Variants in SLC30A8 observed in about 807,000 individuals in gnomAD.
SLC30A8 encodes proton-coupled zinc antiporter SLC30A8.
A neutral mutation model predicts 36.9 loss-of-function variants in SLC30A8; 27 were observed. The observed-to-expected ratio is 0.73, with a 90% CI of 0.54 to 1.01. The LOEUF (loss-of-function observed/expected upper bound fraction) is 1.01, where lower values mean the gene tolerates loss of function less well. SLC30A8 is among the 50% of genes least tolerant of loss of function. The pLI is 0.00. For missense variants in SLC30A8, 439 were observed against 452.0 expected (o/e 0.97, Z 0.26); for synonymous variants, 164 against 172.4 (o/e 0.95, Z 0.38).
At chr8:116,986,467 A>G (rs1252180748) in intron 1 of SLC30A8, among the ~76,000 whole-genome samples, 2 of 152,184 alleles carry the variant, frequency 1.3e-5, no homozygotes, top group Non-Finnish European at 2.9e-5. Context: ...AGTTCTACCT[A>G]TTGGACATTT....
intron 2 of SLC30A8, among the ~76,000 whole-genome samples, chr8:117,113,547 C>T (rs186192528): frequency 2.0e-5 from 3 of 152,016 alleles, no homozygotes; most frequent in African/African-American, 7.2e-5. Context: ...GCTGCATTGC[C>T]CAGGAACTGG....
At chr8:117,036,549 A>C (rs1401837507) in intron 1 of SLC30A8, among the ~76,000 whole-genome samples, 2 of 152,146 alleles carry the variant, frequency 1.3e-5, no homozygotes, top group African/African-American at 4.8e-5. Context: ...GAGGTCTTAC[A>C]TGGCTGGGAA....
chr8:117,097,396 CAAAAAAAAA>C (rs1157294543), intron 2 of SLC30A8, among the ~76,000 whole-genome samples: 3 of 25,048 alleles, frequency 1.2e-4, no homozygotes, highest in African/African-American at 3.3e-4. Context: ...GACTCCATCT[CAAAAAAAAA>C]AAAAAAAAAA....
chr8:117,076,543 G>C (rs1464594983), intron 2 of SLC30A8, among the ~76,000 whole-genome samples: 6 of 151,580 alleles, frequency 4.0e-5, no homozygotes, highest in Non-Finnish European at 1.5e-5. Context: ...AAGAAAGAGG[G>C]AGAAAAAAAA....
intron 2 of SLC30A8, among the ~76,000 whole-genome samples, chr8:117,129,231 A>G (rs1821035334): frequency 6.6e-6 from 1 of 152,084 alleles, no homozygotes; most frequent in Non-Finnish European, 1.5e-5. Context: ...GCAGACAATG[A>G]ATCCGTTGTG....
intron 1 of SLC30A8, among the ~76,000 whole-genome samples, chr8:116,962,866 A>G (rs1814473103): frequency 6.6e-6 from 1 of 151,972 alleles, no homozygotes; most frequent in South Asian, 2.1e-4. Flanking sequence ...TCATTTTAAC[A>G]TATAAGATAG....
intron 2 of SLC30A8, among the ~76,000 whole-genome samples, chr8:117,111,143 A>T (rs1053795813): frequency 2.6e-5 from 4 of 152,170 alleles, no homozygotes; most frequent in Non-Finnish European, 5.9e-5. Flanking sequence ...TGTAATAATA[A>T]AATTAGAAAA....
At chr8:117,036,313 A>C (rs982795284) in intron 1 of SLC30A8, among the ~76,000 whole-genome samples, 1 of 152,152 alleles carries the variant, frequency 6.6e-6, no homozygotes, top group African/African-American at 2.4e-5. Context: ...AAACTTTCCC[A>C]TATCTTCCTG....
At chr8:117,019,879 G>A (rs944131928) in intron 1 of SLC30A8, among the ~76,000 whole-genome samples, 2 of 152,288 alleles carry the variant, frequency 1.3e-5, no homozygotes, top group East Asian at 3.9e-4. Flanking sequence ...GCATGGCAGG[G>A]GAGAGTGTAG....
intron 6 of SLC30A8, among the ~76,000 whole-genome samples, chr8:117,165,462 GC>G: frequency 6.6e-6 from 1 of 152,186 alleles, no homozygotes; most frequent in African/African-American, 2.4e-5. Flanking sequence ...GATGCTGATG[GC>G]CTCAGAAAGG....
chr8:116,951,975 G>C (rs1357900463), intron 1 of SLC30A8, among the ~76,000 whole-genome samples: 1 of 152,086 alleles, frequency 6.6e-6, no homozygotes, highest in African/African-American at 2.4e-5. Context: ...GGGGAAAGTT[G>C]AGTGCTAAGG....
At chr8:117,030,562 A>T (rs1817013113) in intron 1 of SLC30A8, among the ~76,000 whole-genome samples, 1 of 152,126 alleles carries the variant, frequency 6.6e-6, no homozygotes, top group South Asian at 2.1e-4. Flanking sequence ...GAAGGAATAA[A>T]CTTCTGCCTG....
intron 1 of SLC30A8, among the ~76,000 whole-genome samples, chr8:116,987,447 T>C (rs924884929): frequency 4.7e-5 from 7 of 147,438 alleles, no homozygotes; most frequent in African/African-American, 1.3e-4. Flanking sequence ...AAATAAAAAA[T>C]GCACACGTAA....
rs529157540 is a variant in SLC30A8, at chr8:117,057,639, G to A, written c.-226+18381G>A. Among the ~76,000 whole-genome samples the A allele has an allele frequency of 1.3e-4, 20 of 152,086 alleles. No homozygotes were observed. The South Asian group carries it at 4.2e-3, about 32-fold the overall frequency. On this transcript the variant is annotated intron_variant, in intron 2 of 10. Coordinates refer to the SLC30A8 transcript ENST00000427715. Reference sequence around the variant, plus strand: ...TACAGTATTTATCTTTCTGTATCTGGCTTATTTCACAGAGTAATGTCCTCC... The same window carrying A: ...TACAGTATTTATCTTTCTGTATCTGACTTATTTCACAGAGTAATGTCCTCC...
At chr8:117,012,060 T>C (rs1049458747) in intron 1 of SLC30A8, among the ~76,000 whole-genome samples, 1 of 152,192 alleles carries the variant, frequency 6.6e-6, no homozygotes, top group African/African-American at 2.4e-5. Context: ...AATTCCAGAT[T>C]GCTTTCTCCT....
chr8:117,151,363 T>C (rs751276665), intron 2 of SLC30A8, among the ~76,000 whole-genome samples: 7 of 152,180 alleles, frequency 4.6e-5, no homozygotes, highest in Non-Finnish European at 1.0e-4. Context: ...GCTCAATAAA[T>C]ATTGGCTGGA....
intron 2 of SLC30A8, among the ~76,000 whole-genome samples, chr8:117,152,686 G>C (rs1822248759): frequency 6.6e-6 from 1 of 152,112 alleles, no homozygotes; most frequent in Admixed American, 6.5e-5. Flanking sequence ...GTGTTCTCCA[G>C]ATGTGCCTGC....
At chr8:116,974,248 A>C (rs1814899137) in intron 1 of SLC30A8, among the ~76,000 whole-genome samples, 1 of 152,228 alleles carries the variant, frequency 6.6e-6, no homozygotes, top group South Asian at 2.1e-4. Context: ...CAGAGTGAAC[A>C]GGCAACCTAC....
chr8:117,148,964 A>G (rs778371202), intron 2 of SLC30A8, among the ~76,000 whole-genome samples: 1 of 152,140 alleles, frequency 6.6e-6, no homozygotes, highest in Non-Finnish European at 1.5e-5. Context: ...TTCCTGTCTC[A>G]TGGATCTTCC....
Sources: allele counts gnomAD v4.1 joint callset (sites outside exome capture counted in the v4.1 genomes callset), GRCh38; gene constraint gnomAD v4.1.1; transcripts MANE v1.5; gene names NCBI Gene and HGNC (gene_info 2026-07-23, HGNC 2026-07-21).